Variants in SBF2 observed in about 807,000 individuals in gnomAD.
SBF2 encodes the protein myotubularin-related protein 13.
A neutral mutation model predicts 225.2 loss-of-function variants in SBF2; 112 were observed. The ratio of observed to expected loss-of-function variants is 0.50; its 90% CI spans 0.43 to 0.58. The LOEUF (loss-of-function observed/expected upper bound fraction) is 0.58. SBF2 is among the 20% of genes least tolerant of loss of function. The probability of loss-of-function intolerance (pLI) is 0.00; values close to 1 mark genes in which losing one functional copy is unlikely to be tolerated. For missense variants in SBF2, 1,996 were observed against 2,206.2 expected (o/e 0.90, Z 1.91); for synonymous variants, 763 against 773.3 (o/e 0.99, Z 0.22).
intron 2 of SBF2, among the ~76,000 whole-genome samples, chr11:10,064,329 T>G (rs904184969): frequency 6.6e-6 from 1 of 152,044 alleles, no homozygotes; most frequent in Non-Finnish European, 1.5e-5. Flanking sequence ...AGCCCAAAAG[T>G]AACCACTAAA....
Position 10,122,666 on chromosome 11 carries a change from T to C in SBF2, c.141+71236A>G, listed in dbSNP as rs190138969. Among the ~76,000 whole-genome samples the C allele has an allele frequency of 7.9e-5, 12 of 152,344 alleles. No individual in the cohort carries two copies. In the East Asian group the frequency reaches 1.3e-3, roughly 17 times the overall value. On this transcript the variant is annotated intron_variant, in intron 2 of 39. Transcript: ENST00000256190. The stretch of plus-strand genomic sequence containing the variant: ...ATTTGACACTCACTCAGTTATTAGA[T>C]ACTATTAGTTTACACATAATTCTAG...
intron 9 of SBF2, among the ~76,000 whole-genome samples, chr11:9,997,765 A>AGTG (rs1947771169): frequency 6.6e-6 from 1 of 152,176 alleles, no homozygotes; most frequent in African/African-American, 2.4e-5. Context: ...GCGACAGAGC[A>AGTG]AGACTCCGTC....
At chr11:9,884,980 G>A (rs1418073108) in intron 17 of SBF2, among the ~76,000 whole-genome samples, 1 of 152,116 alleles carries the variant, frequency 6.6e-6, no homozygotes, top group East Asian at 1.9e-4. Context: ...GCCTGGCATG[G>A]TGGCTCACGC....
chr11:10,028,679 C>G, intron 5 of SBF2, 122 bp from the exon 6 acceptor site: 2 of 723,802 alleles, frequency 2.8e-6, no homozygotes, highest in East Asian at 2.5e-5. Flanking sequence ...TTAACAGATA[C>G]AAAAGGCAAC....
intron 18 of SBF2, among the ~76,000 whole-genome samples, chr11:9,857,845 A>G (rs1857431502): frequency 6.6e-6 from 1 of 152,206 alleles, no homozygotes; most frequent in Non-Finnish European, 1.5e-5. Flanking sequence ...TTTTTTTAAT[A>G]CAACTACCAA....
At position 10,231,089 on chromosome 11, in the gene SBF2, C is replaced by T. The variant is rs567340880; in HGVS notation, c.56-37102G>A. ...CTTCCATCGCTGATACCCTTTCTTC[C>T]AGTTGATCGAATCGGCTACTGAGGC... On this transcript the variant is annotated intron_variant, in intron 1 of 39. Transcript: ENST00000256190. Among the ~76,000 whole-genome samples the T allele has an allele frequency of 2.0e-5, 3 of 152,252 alleles. No homozygotes were observed. In the East Asian group the frequency reaches 5.8e-4, roughly 29 times the overall value.
intron 2 of SBF2, among the ~76,000 whole-genome samples, chr11:10,052,899 T>A (rs1950111411): frequency 6.6e-6 from 1 of 152,212 alleles, no homozygotes; most frequent in African/African-American, 2.4e-5. Flanking sequence ...CATATTGTTT[T>A]ATGCTAATAT....
At chr11:10,124,942 TA>T (rs920165668) in intron 2 of SBF2, among the ~76,000 whole-genome samples, 3 of 151,750 alleles carry the variant, frequency 2.0e-5, no homozygotes, top group Middle Eastern at 3.4e-3. Context: ...CCGTCTCTAC[TA>T]AAAGTACAAA....
chr11:9,855,322 A>G (rs1564919715), intron 19 of SBF2, among the ~76,000 whole-genome samples: 1 of 152,146 alleles, frequency 6.6e-6, no homozygotes, highest in Non-Finnish European at 1.5e-5. Flanking sequence ...CCCTGACAAA[A>G]ATGAAGTACC....
chr11:10,215,789 G>C (rs1958106708), intron 1 of SBF2, among the ~76,000 whole-genome samples: 1 of 152,132 alleles, frequency 6.6e-6, no homozygotes, highest in African/African-American at 2.4e-5. Flanking sequence ...TTTCCCCAAA[G>C]TACCAGAATT....
intron 17 of SBF2, among the ~76,000 whole-genome samples, chr11:9,889,202 T>C (rs940005491): frequency 2.0e-5 from 3 of 152,206 alleles, no homozygotes; most frequent in African/African-American, 7.2e-5. Context: ...CACCAACTGA[T>C]TAGGTCAGTT....
chr11:9,866,278 G>C (rs1460541343), intron 17 of SBF2, among the ~76,000 whole-genome samples: 1 of 151,280 alleles, frequency 6.6e-6, no homozygotes, highest in Non-Finnish European at 1.5e-5. Context: ...AAGCAATCCT[G>C]AGGAAAAAAA....
At chr11:9,822,258 CTTT>C (rs1210806960) in intron 28 of SBF2, among the ~76,000 whole-genome samples, 4 of 129,406 alleles carry the variant, frequency 3.1e-5, no homozygotes, top group Non-Finnish European at 1.7e-5. Context: ...TAACTAAACT[CTTT>C]TTTTTTTTTT....
At chr11:9,884,492 C>A (rs1413769810) in intron 17 of SBF2, among the ~76,000 whole-genome samples, 1 of 152,212 alleles carries the variant, frequency 6.6e-6, no homozygotes, top group East Asian at 1.9e-4. Flanking sequence ...TCCTACTATA[C>A]TGCATTAGCC....
chr11:10,214,747 G>A (rs1228213618), intron 1 of SBF2, among the ~76,000 whole-genome samples: 1 of 152,174 alleles, frequency 6.6e-6, no homozygotes, highest in Non-Finnish European at 1.5e-5. Context: ...GGTAACCACA[G>A]ATGAAAAACA....
chr11:9,918,782 A>G (rs953422940), intron 16 of SBF2, among the ~76,000 whole-genome samples: 1 of 151,570 alleles, frequency 6.6e-6, no homozygotes, highest in Non-Finnish European at 1.5e-5. Flanking sequence ...TCTGTCACCC[A>G]GGCTGGAGTG....
chr11:10,279,545 T>C (rs1963251724), intron 1 of SBF2, among the ~76,000 whole-genome samples: 1 of 152,160 alleles, frequency 6.6e-6, no homozygotes, highest in African/African-American at 2.4e-5. Flanking sequence ...TCCTAATACC[T>C]CCCTGTCTGT....
intron 2 of SBF2, among the ~76,000 whole-genome samples, chr11:10,176,807 T>C (rs184415443): frequency 1.1e-4 from 17 of 152,098 alleles, no homozygotes; most frequent in Admixed American, 5.9e-4. Flanking sequence ...TTCCAATCAA[T>C]AGAAAAAGAA....
intron 16 of SBF2, among the ~76,000 whole-genome samples, chr11:9,934,438 C>T (rs1375824007): frequency 6.6e-6 from 1 of 152,162 alleles, no homozygotes; most frequent in Non-Finnish European, 1.5e-5. Flanking sequence ...AAGAGGGAAT[C>T]CTCCCTAACT....
Sources: allele counts gnomAD v4.1 joint callset (sites outside exome capture counted in the v4.1 genomes callset), GRCh38; gene constraint gnomAD v4.1.1; transcripts MANE v1.5; gene names NCBI Gene and HGNC (gene_info 2026-07-23, HGNC 2026-07-21).